The following FHIP1B variants were observed in gnomAD, a reference collection of about 807,000 sequenced individuals.
FHIP1B encodes FHF complex subunit HOOK-interacting protein 1B.
FHIP1B carries 28 observed loss-of-function variants against 82.2 expected under a neutral mutation model. That is an observed-to-expected ratio of 0.34 (90% CI 0.25 to 0.47). The LOEUF is 0.47. Ranked by LOEUF, FHIP1B falls within the 20% of genes least tolerant of loss-of-function variation. The probability of loss-of-function intolerance (pLI) is 1.00; values close to 1 mark genes in which losing one functional copy is unlikely to be tolerated. For synonymous variants in FHIP1B, 585 were observed against 516.1 expected (o/e 1.13, Z -1.81); for missense variants, 1,110 against 1,262.6 (o/e 0.88, Z 1.83).
Position 6,214,502 on chromosome 11 carries a change from G to T in FHIP1B, c.2466C>A (p.Ser822=), listed in dbSNP as rs267603071. Residue 822 remains serine (S), a synonymous_variant, in exon 11 of 12, where the codon TCC becomes TCA. Coordinates refer to ENST00000449352, the MANE Select transcript of FHIP1B (RefSeq NM_001098794.2). The part of the protein sequence containing the change: ...ASQEDFPALL[S]KAKKYLIARG... Reference sequence around the variant, plus strand: ...GGGCAATGAGGTACTTCTTGGCTTTGGACAGCAGTGCTGGGAAGTCCTCCT... The same window carrying T: ...GGGCAATGAGGTACTTCTTGGCTTTTGACAGCAGTGCTGGGAAGTCCTCCT... 11 of 1,614,176 alleles carry T rather than the reference G, an allele frequency of 6.8e-6. No individual in the cohort carries two copies. The Middle Eastern group carries it at 9.9e-4, about 145-fold the overall frequency.
chr11:6,229,203 A>G (rs1343652871), intron 1 of FHIP1B, among the ~76,000 whole-genome samples: 1 of 152,244 alleles, frequency 6.6e-6, no homozygotes, highest in Non-Finnish European at 1.5e-5. Context: ...TGAACTCTGG[A>G]GTCCCTCAAT....
intron 1 of FHIP1B, among the ~76,000 whole-genome samples, chr11:6,230,301 G>A (rs569094110): frequency 6.6e-6 from 1 of 152,182 alleles, no homozygotes; most frequent in Non-Finnish European, 1.5e-5. Flanking sequence ...CCAAGAACAG[G>A]TCAGTAAAAT....
In FHIP1B at chr11:6,218,028, C is replaced by T; in HGVS notation, c.1558G>A (p.Ala520Thr). The part of the protein sequence containing the change: ...SLGGSESPGP[A>T]PCSPGLSASP... ...GCAGAAAGCCCTGGTGAGCAAGGGG[C>T]TGGGCCTGGAGACTCAGAGCCACCC... Residue 520 changes from alanine to threonine, a missense_variant, in exon 9 of 12, where the codon GCC (alanine) becomes ACC (threonine). By Grantham distance (58) the Ala-to-Thr change is moderately conservative. Transcript: ENST00000449352. 1.9e-6 allele frequency: 3 copies of T among 1,613,360 alleles called. No homozygotes were observed.
chr11:6,231,015 C>T (rs1847682981), intron 1 of FHIP1B, among the ~76,000 whole-genome samples: 1 of 152,060 alleles, frequency 6.6e-6, no homozygotes, highest in Non-Finnish European at 1.5e-5. Flanking sequence ...AGTTTTTAAG[C>T]CAAGGAGTTC....
intron 1 of FHIP1B, among the ~76,000 whole-genome samples, chr11:6,226,254 G>C (rs920183491): frequency 1.3e-5 from 2 of 152,112 alleles, no homozygotes; most frequent in African/African-American, 2.4e-5. Flanking sequence ...AATTTCTATA[G>C]AACAGGTGAG....
chr11:6,231,158 G>A (rs1847687153), intron 1 of FHIP1B, among the ~76,000 whole-genome samples: 1 of 152,164 alleles, frequency 6.6e-6, no homozygotes, highest in African/African-American at 2.4e-5. Flanking sequence ...TGACAGTGAA[G>A]ATGTAGCAAT....
Position 6,223,157 on chromosome 11 carries a change from G to A in FHIP1B, c.859C>T (p.Arg287Ter). 6.2e-7 allele frequency: 1 copy of A among 1,608,664 alleles called. No individual in the cohort carries two copies. Among genetic ancestry groups the A allele is most frequent in the Non-Finnish European group, 8.5e-7 (1 of 1,178,676 alleles). ...GGCACTCCCAGCCAGTCTTCCCGTC[G>A]CAGACAGTGCCAATCATCCCCTGGA... ...EVPGDDWHCL[R>*]REDWLGVPAL... The change falls in exon 4 of 12, where the codon CGA (arginine) becomes TGA (stop). Residue 287 changes from arginine to a stop codon, truncating the protein, a stop_gained. Coordinates refer to ENST00000449352, the MANE Select transcript of FHIP1B (RefSeq NM_001098794.2). LOFTEE classifies it high-confidence loss of function. The surrounding 1 kb of genome is among the most constrained non-coding windows in gnomAD (Gnocchi z 4.8).
At chr11:6,226,977 G>A (rs971246605) in intron 1 of FHIP1B, among the ~76,000 whole-genome samples, 6 of 152,198 alleles carry the variant, frequency 3.9e-5, no homozygotes, top group Non-Finnish European at 7.3e-5. Context: ...TATTAGGAAA[G>A]ATAAATCTGA....
At position 6,219,060 on chromosome 11, in the gene FHIP1B, T is replaced by G; in HGVS notation, c.1192-10A>C. 3 of 1,588,198 alleles carry G rather than the reference T, an allele frequency of 1.9e-6. No individual in the cohort carries two copies. The highest frequency in any genetic ancestry group is 1.1e-5 in the South Asian group (1 of 89,948). Reference sequence around the variant, plus strand: ...GAGAGACCATGCAGAGCTGGGGGGGTGGAGGGGAGGGAGGGAGTCACCATA... The same window carrying G: ...GAGAGACCATGCAGAGCTGGGGGGGGGGAGGGGAGGGAGGGAGTCACCATA... On this transcript the variant is annotated splice_polypyrimidine_tract_variant and intron_variant, in intron 6 of 11. Transcript: ENST00000449352.
Position 6,217,977 on chromosome 11 carries a change from G to T in FHIP1B, c.1609C>A (p.Arg537=), listed in dbSNP as rs148185483. ...SASPASSPGR[R]PTPAEEPGEL... is the part of the protein sequence containing the mutation. ...CCAGGCTCCTCTGCAGGGGTAGGCC[G>T]TCGGCCAGGGCTGGAGGCGGGGGAT... Residue 537 remains arginine, a synonymous_variant, in exon 9 of 12, where the codon CGG becomes AGG. Coordinates refer to ENST00000449352, the MANE Select transcript of FHIP1B (RefSeq NM_001098794.2). 6.2e-7 allele frequency: 1 copy of T among 1,613,174 alleles called. No individual in the cohort carries two copies. The highest frequency in any genetic ancestry group is 1.1e-5 in the South Asian group (1 of 91,080).
Position 6,214,883 on chromosome 11 carries a change from T to C in FHIP1B, c.2244A>G (p.Lys748=). 1.3e-6 allele frequency: 2 copies of C among 1,599,956 alleles called. No individual in the cohort carries two copies. The highest frequency in any genetic ancestry group is 1.7e-6 in the Non-Finnish European group (2 of 1,172,454). ...TGPFMAVLFA[K]LENMLQNSVY... ...CGGAGTTCTGCAGCATGTTCTCGAG[T>C]TTGGCAAAGAGCACAGCCATGAAGG... The change falls in exon 10 of 12, where the codon AAA becomes AAG. Residue 748 remains lysine (K), a synonymous_variant. Coordinates refer to ENST00000449352, the MANE Select transcript of FHIP1B (RefSeq NM_001098794.2).
chr11:6,218,547 C>A, intron 8 of FHIP1B, 53 bp downstream of exon 8: 1 of 1,611,222 alleles, frequency 6.2e-7, no homozygotes, highest in South Asian at 1.1e-5. Context: ...CCCCCAGAAC[C>A]TAGGCCATAC....
chr11:6,218,791 A>G, intron 7 of FHIP1B, 28 bp from the exon 8 acceptor site: 1 of 1,611,436 alleles, frequency 6.2e-7, no homozygotes, highest in Non-Finnish European at 8.5e-7. Context: ...AAGGGGACAC[A>G]GGGTAGATCA....
intron 8 of FHIP1B, 149 bp downstream of exon 8, chr11:6,218,451 A>G (rs1847311054): frequency 5.6e-6 from 7 of 1,250,504 alleles, no homozygotes; most frequent in Non-Finnish European, 7.8e-6. Context: ...TCCTCCCTGC[A>G]AGACACCCTC....
chr11:6,228,163 C>T (rs1847610684), intron 1 of FHIP1B, among the ~76,000 whole-genome samples: 1 of 152,144 alleles, frequency 6.6e-6, no homozygotes, highest in South Asian at 2.1e-4. Context: ...GCCTGACCAA[C>T]ACGGTGAAAC....
At chr11:6,222,411 A>C in intron 6 of FHIP1B, 31 bp downstream of exon 6, 1 of 1,610,892 alleles carries the variant, frequency 6.2e-7, no homozygotes, top group South Asian at 1.1e-5. Flanking sequence ...TGGGTCATCC[A>C]GGTAAGCTAG....
intron 4 of FHIP1B, 85 bp from the exon 5 acceptor site, chr11:6,222,982 T>A: frequency 6.4e-7 from 1 of 1,572,842 alleles, no homozygotes; most frequent in Non-Finnish European, 8.7e-7. Flanking sequence ...CAGAGAGGCA[T>A]CCTACTTCCA....
Position 6,214,507 on chromosome 11 carries a change from G to T in FHIP1B, c.2461C>A (p.Leu821Met). Residue 821 changes from leucine (L) to methionine (M), a missense_variant, in exon 11 of 12, where the codon CTG becomes ATG. By Grantham distance (15) the Leu-to-Met change is conservative (BLOSUM62 2). This residue lies in a region of FHIP1B where 147 missense variants were observed against 154.0 expected (regional missense o/e 0.95). Transcript: ENST00000449352. ...AASQEDFPAL[L>M]SKAKKYLIAR... ...ATGAGGTACTTCTTGGCTTTGGACA[G>T]CAGTGCTGGGAAGTCCTCCTGGGAA... 1 of 1,614,204 alleles carries T rather than the reference G, an allele frequency of 6.2e-7. No homozygotes were observed. The highest frequency in any genetic ancestry group is 8.5e-7 in the Non-Finnish European group (1 of 1,180,024).
chr11:6,217,227 T>A (rs1040719630), intron 9 of FHIP1B, 144 bp downstream of exon 9: 1 of 751,088 alleles, frequency 1.3e-6, no homozygotes, highest in East Asian at 2.7e-5. Context: ...ATGACACGTA[T>A]CTGGAAGTGA....
Sources: gnomAD v4.1 joint callset for allele counts (sites outside exome capture counted in the v4.1 genomes callset) on GRCh38, gnomAD v4.1.1 for gene constraint, gnomAD v4.1.1 regional missense constraint, Gnocchi (gnomAD v3.1) non-coding constraint, MANE v1.5 for transcripts, NCBI Gene and HGNC (gene_info 2026-07-23, HGNC 2026-07-21) for gene names.